Variants in LRP10 observed in about 807,000 individuals in gnomAD.
The protein encoded by LRP10 is LDL receptor related protein 10, also known as low-density lipoprotein receptor-related protein 10.
A neutral mutation model predicts 58.5 loss-of-function variants in LRP10; 42 were observed. The ratio of observed to expected loss-of-function variants is 0.72; its 90% confidence interval spans 0.56 to 0.93. The LOEUF (loss-of-function observed/expected upper bound fraction) is 0.93. Among genes scored for constraint, LRP10 ranks in the 40% least tolerant of loss-of-function variants. The pLI, the probability that LRP10 is intolerant of heterozygous loss-of-function variation, is 0.00. For synonymous variants in LRP10, 377 were observed against 388.5 expected, an observed-to-expected ratio of 0.97 and a Z score of 0.35; for missense variants, 872 against 940.1, an observed-to-expected ratio of 0.93 and a Z score of 0.95.
Position 22,877,656 on chromosome 14 carries a change from G to A in LRP10, c.*129G>A. 2 of 687,636 alleles carry A rather than the reference G, an allele frequency of 2.9e-6. No individual in the cohort carries two copies. The highest frequency in any genetic ancestry group is 4.7e-6 in the Non-Finnish European group (2 of 424,670). The allele number at this position is 687,636 out of a possible 1,614,324, so 42.6% of individuals were successfully genotyped here. ...GTCCCTGGATTTCAGGGACTTGGTG[G>A]GCCTCCCGTTGACCCTATGTAGCTG... On this transcript the variant is annotated 3_prime_UTR_variant, in exon 7 of 7. Coordinates refer to ENST00000359591, the MANE Select transcript of LRP10 (RefSeq NM_014045.5). The surrounding 1 kb of genome is among the most constrained non-coding windows in gnomAD (Gnocchi z 5.1).
At chr14:22,873,274 G>T in intron 2 of LRP10, 37 bp from the exon 3 acceptor site, 1 of 1,590,654 alleles carries the variant, frequency 6.3e-7, no homozygotes, top group Non-Finnish European at 8.6e-7. Flanking sequence ...ATGCAAAGGG[G>T]CTGTCTACTA....
intron 3 of LRP10, among the ~76,000 whole-genome samples, chr14:22,874,823 G>T (rs1823003900): frequency 6.6e-6 from 1 of 152,210 alleles, no homozygotes; most frequent in Non-Finnish European, 1.5e-5. Context: ...AGAGGTGGAG[G>T]TTGCAGTGAT....
Position 22,877,108 on chromosome 14 carries a change from G to A in LRP10, c.1723G>A (p.Ala575Thr), listed in dbSNP as rs146141715. The part of the protein sequence containing the change: ...LLPRTNTPAR[A>T]SEARSQVTPS... Reference sequence around the variant, plus strand: ...CCCTCGAACCAACACCCCGGCTCGGGCCTCTGAGGCCAGATCCCAGGTCAC... The same window carrying A: ...CCCTCGAACCAACACCCCGGCTCGGACCTCTGAGGCCAGATCCCAGGTCAC... The change falls in exon 7 of 7, where the codon GCC becomes ACC. Residue 575 changes from alanine (A) to threonine (T), a missense_variant. Physicochemically the swap from Ala to Thr is moderately conservative, Grantham distance 58. Transcript: ENST00000359591. The surrounding 1 kb of genome is among the most constrained non-coding windows in gnomAD (Gnocchi z 5.1). The A allele has an allele frequency of 2.3e-4, 377 of 1,613,400 alleles. No homozygotes were observed. The highest frequency in any genetic ancestry group is 1.8e-3 in the Middle Eastern group (11 of 6,054).
rs2039986885 is a variant in LRP10 at position 22,875,011 on chromosome 14, G to A, written c.216-44G>A. 3 of 1,385,208 alleles carry A rather than the reference G, an allele frequency of 2.2e-6. No homozygotes were observed. In the South Asian group the frequency reaches 5.7e-5, roughly 26 times the overall value. 85.8% of individuals were successfully genotyped at this position (1,385,208 alleles called of 1,614,324 possible). On this transcript the variant is annotated intron_variant, in intron 3 of 6. Coordinates refer to ENST00000359591, the MANE Select transcript of LRP10 (RefSeq NM_014045.5). ...GCACCAGGGGAGGAGAAAGCCAGCA[G>A]CAGTCAAGAGTATCTCATGTCCTGC...
chr14:22,872,426 G>A (rs1291254767), intron 1 of LRP10, 89 bp downstream of exon 1: 3 of 1,499,084 alleles, frequency 2.0e-6, no homozygotes, highest in Admixed American at 1.7e-5. Context: ...ACTCTATCCT[G>A]CCTGCCCATT....
chr14:22,877,481 CGG>C lies in LRP10; in HGVS notation c.2100_2101del (p.Trp702GlyfsTer3), dbSNP rs2040021406. 1 of 1,611,288 alleles carries C rather than the reference CGG, an allele frequency of 6.2e-7. No individual in the cohort carries two copies. Among genetic ancestry groups the C allele is most frequent in the South Asian group, 1.1e-5 (1 of 90,946 alleles). On this transcript the variant is annotated frameshift_variant, in exon 7 of 7. Coordinates refer to ENST00000359591, the MANE Select transcript of LRP10 (RefSeq NM_014045.5). LOFTEE classifies it high-confidence loss of function. The surrounding 1 kb of genome is among the most constrained non-coding windows in gnomAD (Gnocchi z 5.1). ...GTGCTACTGGTGCCACTGGCTGAGCCGGGGGTGTGGGTAGCTGAGGCAGAGGA... is the reference window on the plus strand; with the variant it reads ...GTGCTACTGGTGCCACTGGCTGAGCCGGGTGTGGGTAGCTGAGGCAGAGGA...
At chr14:22,872,443 A>G (rs1488564770) in intron 1 of LRP10, 106 bp downstream of exon 1, 2 of 1,173,030 alleles carry the variant, frequency 1.7e-6, no homozygotes, top group African/African-American at 4.4e-5. Context: ...CATTCCCCCC[A>G]GCCCCTGCCG....
At chr14:22,872,586 G>T in intron 1 of LRP10, 152 bp from the exon 2 acceptor site, 1 of 761,564 alleles carries the variant, frequency 1.3e-6, no homozygotes, top group South Asian at 1.8e-5. Context: ...TTCCTTCCAT[G>T]GAAGTCCCAC....
At chr14:22,872,404 G>A in intron 1 of LRP10, 67 bp downstream of exon 1, 1 of 1,586,422 alleles carries the variant, frequency 6.3e-7, no homozygotes, top group Non-Finnish European at 8.7e-7. Flanking sequence ...ACTCCCTCCA[G>A]TGCGGCCCCG....
chr14:22,872,455 C>A (rs1380586349), intron 1 of LRP10, 118 bp downstream of exon 1: 9 of 1,246,848 alleles, frequency 7.2e-6, no homozygotes, highest in Middle Eastern at 3.8e-4. Context: ...CCCCTGCCGC[C>A]AGCCCCAGCA....
In LRP10 at chr14:22,875,409, C is replaced by T. The variant is rs2039991653; in HGVS notation, c.461C>T (p.Ser154Phe). The T allele has an allele frequency of 1.2e-6, 2 of 1,614,148 alleles. No homozygotes were observed. Among genetic ancestry groups the T allele is most frequent in the Non-Finnish European group, 8.5e-7 (1 of 1,180,030 alleles). The change falls in exon 5 of 7, where the codon TCT becomes TTT. Residue 154 changes from serine (S) to phenylalanine (F), a missense_variant. Ser to Phe is a radical substitution (Grantham distance 155). Transcript: ENST00000359591. ...CAGTGCCTGAACCACCGCTGTGTATCTGCTGTCCAGCGCTGTGATGGGGTT... is the reference window on the plus strand; with the variant it reads ...CAGTGCCTGAACCACCGCTGTGTATTTGCTGTCCAGCGCTGTGATGGGGTT... ...EFQCLNHRCV[S>F]AVQRCDGVDA...
At position 22,876,317 on chromosome 14, in the gene LRP10, G is replaced by T. The variant is rs1379723825; in HGVS notation, c.1369G>T (p.Val457Phe). The change falls in exon 5 of 7, where the codon GTC becomes TTC. Residue 457 changes from valine (V) to phenylalanine (F), a missense_variant. Transcript: ENST00000359591. ...IGSLVCGLLL[V>F]IALGCTCKLY... ...CAGCCTAGTGTGCGGCCTGCTCCTG[G>T]TCATCGCCCTGGGCTGCACCTGCAA... is the stretch of plus-strand genomic sequence containing the variant. 6.2e-6 allele frequency: 10 copies of T among 1,613,954 alleles called. No homozygotes were observed. The highest frequency in any genetic ancestry group is 8.5e-6 in the Non-Finnish European group (10 of 1,180,044).
In LRP10 at chr14:22,878,989, C is replaced by T. The variant is rs2138790322; in HGVS notation, c.*1462C>T. ...CTCAGGAACAAAACTGAGGAATTCC[C>T]TAACGGACCCAGTCCCTGGGGAAAG... On this transcript the variant is annotated 3_prime_UTR_variant, in exon 7 of 7. Transcript: ENST00000359591. The T allele has an allele frequency of 3.1e-6, 1 of 318,298 alleles. No homozygotes were observed. The highest frequency in any genetic ancestry group is 1.2e-3 in the Middle Eastern group (1 of 830). The allele number at this position is 318,298 out of a possible 1,614,324, so 19.7% of individuals were successfully genotyped here.
Position 22,879,044 on chromosome 14 carries a change from C to G in LRP10, c.*1517C>G, listed in dbSNP as rs573357600. 8.9e-5 allele frequency: 33 copies of G among 371,414 alleles called. No individual in the cohort carries two copies. Among genetic ancestry groups the G allele is most frequent in the Non-Finnish European group, 1.4e-4 (24 of 176,974 alleles). The allele number at this position is 371,414 out of a possible 1,614,324, so 23.0% of individuals were successfully genotyped here. ...TCCCCTCAGGCTCTCCTTGTCTAGC[C>G]CCACACCTGGCAGAGCCTGTCACCC... On this transcript the variant is annotated 3_prime_UTR_variant, in exon 7 of 7. Transcript: ENST00000359591.
intron 3 of LRP10, 144 bp from the exon 4 acceptor site, chr14:22,874,907 GCTAA>G (rs1187764272): frequency 2.1e-5 from 10 of 470,966 alleles, no homozygotes; most frequent in South Asian, 5.8e-5. Flanking sequence ...AAATAAATAG[GCTAA>G]CTGAGTTTTC....
At chr14:22,873,598 C>T in intron 3 of LRP10, 152 bp downstream of exon 3, 5 of 933,650 alleles carry the variant, frequency 5.4e-6, no homozygotes, top group Non-Finnish European at 7.7e-6. Flanking sequence ...GATCTCAGCT[C>T]ACTGCAACCA....
Position 22,872,143 on chromosome 14 carries a change from C to A in LRP10, c.-161C>A. On this transcript the variant is annotated 5_prime_UTR_variant, in exon 1 of 7. Coordinates refer to ENST00000359591, the MANE Select transcript of LRP10 (RefSeq NM_014045.5). ...TACTCCCGGGCTGCCGCCGCCTCCC[C>A]GCCCCCAGCCCTGGCATCCAGAGTA... 1.4e-6 allele frequency: 1 copy of A among 700,668 alleles called. No individual in the cohort carries two copies. The highest frequency in any genetic ancestry group is 2.5e-6 in the Non-Finnish European group (1 of 403,374). The allele number at this position is 700,668 out of a possible 1,614,324, so 43.4% of individuals were successfully genotyped here. A position where few individuals can be genotyped will look rare whatever the true frequency, so the allele number is the denominator to read the frequency against.
rs779323309 is a variant in LRP10 at position 22,877,105 on chromosome 14, C to G, written c.1720C>G (p.Arg574Gly). The G allele has an allele frequency of 6.2e-7, 1 of 1,613,402 alleles. No individual in the cohort carries two copies. The highest frequency in any genetic ancestry group is 1.1e-5 in the South Asian group (1 of 90,998). Residue 574 changes from arginine (R) to glycine (G), a missense_variant, in exon 7 of 7, where the codon CGG (arginine) becomes GGG (glycine). Arg to Gly is a moderately radical substitution (Grantham distance 125). Coordinates refer to ENST00000359591, the MANE Select transcript of LRP10 (RefSeq NM_014045.5). The surrounding 1 kb of genome is among the most constrained non-coding windows in gnomAD (Gnocchi z 5.1). Reference sequence around the variant, plus strand: ...GCTCCCTCGAACCAACACCCCGGCTCGGGCCTCTGAGGCCAGATCCCAGGT... The same window carrying G: ...GCTCCCTCGAACCAACACCCCGGCTGGGGCCTCTGAGGCCAGATCCCAGGT... ...GLLPRTNTPA[R>G]ASEARSQVTP...
rs2039956064 is a variant in LRP10, at chr14:22,871,792, G to C, written c.-512G>C. On this transcript the variant is annotated 5_prime_UTR_variant, in exon 1 of 7. Transcript: ENST00000359591. ...GCGGGCGGGGGTACCGCCTGGGCAA[G>C]GGCCGGGGCGCCGGGCCGAGCCACC... is the stretch of plus-strand genomic sequence containing the variant. The C allele has an allele frequency of 1.1e-5, 2 of 179,974 alleles. No homozygotes were observed. The highest frequency in any genetic ancestry group is 1.7e-4 in the South Asian group (2 of 11,440). The allele number at this position is 179,974 out of a possible 1,614,324, so 11.1% of individuals were successfully genotyped here. A position where few individuals can be genotyped will look rare whatever the true frequency, so the allele number is the denominator to read the frequency against.
Sources: gnomAD v4.1 joint callset for allele counts (sites outside exome capture counted in the v4.1 genomes callset) on GRCh38, gnomAD v4.1.1 for gene constraint, Gnocchi (gnomAD v3.1) non-coding constraint, MANE v1.5 for transcripts, NCBI Gene and HGNC (gene_info 2026-07-23, HGNC 2026-07-21) for gene names.